Variants in GRM5 observed in about 807,000 individuals in gnomAD.
GRM5 encodes the protein metabotropic glutamate receptor 5.
Under a neutral mutation model 83.1 loss-of-function variants are expected in GRM5, and 19 were observed. That is an observed-to-expected ratio of 0.23 (90% confidence interval 0.16 to 0.34). The LOEUF is 0.34. Ranked by LOEUF, GRM5 falls within the 10% of genes least tolerant of loss-of-function variation. The probability of loss-of-function intolerance (pLI) is 1.00; values close to 1 mark genes in which losing one functional copy is unlikely to be tolerated. For missense variants in GRM5, 1,160 were observed against 1,588.3 expected (o/e 0.73, Z 4.58); for synonymous variants, 675 against 633.6 (o/e 1.07, Z -0.98).
chr11:88,543,664 CCT>C (rs941756940), intron 8 of GRM5, among the ~76,000 whole-genome samples: 5 of 143,002 alleles, frequency 3.5e-5, no homozygotes, highest in Non-Finnish European at 6.0e-5. Context: ...CCTTTCCTGT[CCT>C]CTCTCATCAT....
At chr11:88,937,552 T>C (rs751750295) in intron 2 of GRM5, among the ~76,000 whole-genome samples, 2 of 151,622 alleles carry the variant, frequency 1.3e-5, no homozygotes, top group Non-Finnish European at 3.0e-5. Context: ...TACCCAGCAT[T>C]CACATGGCTG....
At chr11:88,665,289 T>A (rs1436749270) in intron 3 of GRM5, among the ~76,000 whole-genome samples, 1 of 151,956 alleles carries the variant, frequency 6.6e-6, no homozygotes, top group Non-Finnish European at 1.5e-5. Flanking sequence ...AAAATGTCTA[T>A]TTCTGTATTG....
At chr11:88,933,081 G>A (rs1937766175) in intron 2 of GRM5, among the ~76,000 whole-genome samples, 1 of 151,120 alleles carries the variant, frequency 6.6e-6, no homozygotes, top group Non-Finnish European at 1.5e-5. Context: ...TCACTCATAA[G>A]TAATTTACAT....
chr11:88,854,058 G>GTATATATATATACATATATA (rs1555027664), intron 2 of GRM5, among the ~76,000 whole-genome samples: 5 of 121,196 alleles, frequency 4.1e-5, no homozygotes, highest in Non-Finnish European at 7.1e-5. Context: ...AAAATGTGGT[G>GTATATATATATACATATATA]TATATATATA....
chr11:88,968,067 C>T (rs1423366790), intron 2 of GRM5, among the ~76,000 whole-genome samples: 1 of 152,008 alleles, frequency 6.6e-6, no homozygotes, highest in African/African-American at 2.4e-5. Flanking sequence ...TTTAGGACTG[C>T]TAAAAATTTA....
intron 3 of GRM5, among the ~76,000 whole-genome samples, chr11:88,777,856 GA>G (rs1942889336): frequency 6.6e-6 from 1 of 152,064 alleles, no homozygotes; most frequent in Admixed American, 6.6e-5. Flanking sequence ...CCACCTATAT[GA>G]GGTACCTGTC....
At chr11:88,715,333 G>A (rs1941377160) in intron 3 of GRM5, among the ~76,000 whole-genome samples, 1 of 151,924 alleles carries the variant, frequency 6.6e-6, no homozygotes, top group African/African-American at 2.4e-5. Flanking sequence ...GTGCATGTGG[G>A]AAGTGAGAAA....
chr11:89,043,241 G>A (rs1448174212), intron 2 of GRM5, among the ~76,000 whole-genome samples: 4 of 152,196 alleles, frequency 2.6e-5, no homozygotes, highest in Admixed American at 2.6e-4. Context: ...AATAGGCCCT[G>A]TGGATATGCT....
intron 4 of GRM5, among the ~76,000 whole-genome samples, chr11:88,631,300 T>G (rs1938963030): frequency 6.6e-6 from 1 of 152,224 alleles, no homozygotes; most frequent in Admixed American, 6.5e-5. Context: ...AGGAAACATC[T>G]GTTTTTTGTT....
At chr11:88,877,125 A>T (rs1017155774) in intron 2 of GRM5, among the ~76,000 whole-genome samples, 1 of 152,110 alleles carries the variant, frequency 6.6e-6, no homozygotes, top group Non-Finnish European at 1.5e-5. Context: ...ACAGTTAGAT[A>T]GGAGGAATGA....
chr11:88,790,538 T>C (rs1174524369), intron 3 of GRM5, among the ~76,000 whole-genome samples: 19 of 152,174 alleles, frequency 1.2e-4, no homozygotes, highest in Admixed American at 1.2e-3. Flanking sequence ...TTTTTTAATA[T>C]ATAGAATAGT....
intron 2 of GRM5, among the ~76,000 whole-genome samples, chr11:88,902,099 C>G (rs1945322558): frequency 6.6e-6 from 1 of 151,658 alleles, no homozygotes; most frequent in Non-Finnish European, 1.5e-5. Context: ...TTATATGCTG[C>G]TTTTCTCTTT....
intron 3 of GRM5, among the ~76,000 whole-genome samples, chr11:88,808,503 C>A (rs1417345850): frequency 6.6e-6 from 1 of 151,882 alleles, no homozygotes; most frequent in Admixed American, 6.6e-5. Flanking sequence ...TGGCATGGAT[C>A]TTTATAGTTA....
intron 3 of GRM5, among the ~76,000 whole-genome samples, chr11:88,848,086 AT>A (rs1010233515): frequency 6.6e-5 from 10 of 151,992 alleles, no homozygotes; most frequent in Admixed American, 2.0e-4. Context: ...TTAAAGCTAG[AT>A]TTTTTTTCTT....
intron 3 of GRM5, among the ~76,000 whole-genome samples, chr11:88,783,580 C>G (rs934129805): frequency 4.6e-5 from 7 of 152,030 alleles, no homozygotes; most frequent in African/African-American, 1.4e-4. Flanking sequence ...GTCTATTAAA[C>G]AATAACCATG....
intron 3 of GRM5, among the ~76,000 whole-genome samples, chr11:88,800,994 A>G (rs1284166447): frequency 6.6e-6 from 1 of 152,122 alleles, no homozygotes; most frequent in Non-Finnish European, 1.5e-5. Flanking sequence ...AATATATAGG[A>G]TTGTTTCTAC....
chr11:88,629,927 G>A (rs1938916009), intron 4 of GRM5, among the ~76,000 whole-genome samples: 1 of 152,146 alleles, frequency 6.6e-6, no homozygotes, highest in Non-Finnish European at 1.5e-5. Flanking sequence ...CTCACCTTCT[G>A]TGACCTCTTT....
chr11:88,935,131 C>G lies in GRM5; in HGVS notation c.662-84976G>C, dbSNP rs1029256807. Reference sequence around the variant, plus strand: ...ATTAGGACATATAAGGATTTGGTGACTTCACCAAGCTTTCAACTTCACTAA... The same window carrying G: ...ATTAGGACATATAAGGATTTGGTGAGTTCACCAAGCTTTCAACTTCACTAA... On this transcript the variant is annotated intron_variant, in intron 2 of 9. Coordinates refer to ENST00000305447, the MANE Select transcript of GRM5 (RefSeq NM_001143831.3). 7.2e-5 allele frequency among the ~76,000 whole-genome samples: 11 copies of G among 151,948 alleles called. 1 individual carries two copies. Among genetic ancestry groups the G allele is most frequent in the African/African-American group, 2.7e-4 (11 of 41,426 alleles).
At chr11:88,856,966 G>T (rs1944489070) in intron 2 of GRM5, among the ~76,000 whole-genome samples, 1 of 151,986 alleles carries the variant, frequency 6.6e-6, no homozygotes, top group African/African-American at 2.4e-5. Context: ...TCACTCCAAT[G>T]GTCTTTTTCA....
Sources: gnomAD v4.1 joint callset for allele counts (sites outside exome capture counted in the v4.1 genomes callset) on GRCh38, gnomAD v4.1.1 for gene constraint, MANE v1.5 for transcripts, NCBI Gene and HGNC (gene_info 2026-07-23, HGNC 2026-07-21) for gene names.